MYO3B: variants seen among roughly 807,000 people sequenced by gnomAD.
The protein encoded by MYO3B is myosin IIIB, also known as myosin-IIIb.
Under a neutral mutation model 174.6 loss-of-function variants are expected in MYO3B, and 156 were observed. That is an observed-to-expected ratio of 0.89 (90% CI 0.78 to 1.02). MYO3B has a LOEUF of 1.02. Ranked by LOEUF, MYO3B falls within the 50% of genes least tolerant of loss-of-function variation. The pLI is 0.00. For missense variants in MYO3B, 1,632 were observed against 1,639.4 expected (o/e 1.00, Z 0.08); for synonymous variants, 563 against 569.1 (o/e 0.99, Z 0.15).
At chr2:170,647,325 G>A (rs192180394) in intron 32 of MYO3B, among the ~76,000 whole-genome samples, 406 of 152,070 alleles carry the variant, frequency 2.7e-3, no homozygotes, top group Non-Finnish European at 4.3e-3. Context: ...ATTTCTCTTC[G>A]TATTTTCCAC....
At chr2:170,619,885 T>C (rs905350293) in intron 32 of MYO3B, among the ~76,000 whole-genome samples, 1 of 151,602 alleles carries the variant, frequency 6.6e-6, no homozygotes, top group Non-Finnish European at 1.5e-5. Context: ...TAGCTGGGAT[T>C]ACAGGCATGC....
intron 32 of MYO3B, among the ~76,000 whole-genome samples, chr2:170,624,682 G>A (rs1433655805): frequency 1.3e-5 from 2 of 152,118 alleles, no homozygotes; most frequent in Admixed American, 1.3e-4. Context: ...TGCCCATTCA[G>A]TATGATATTG....
intron 22 of MYO3B, among the ~76,000 whole-genome samples, chr2:170,419,038 A>G (rs544335657): frequency 3.3e-5 from 5 of 152,328 alleles, no homozygotes; most frequent in African/African-American, 1.2e-4. Flanking sequence ...ATCAAGTGCT[A>G]CTGTCTCACT....
chr2:170,313,338 G>A (rs977871270), intron 7 of MYO3B, among the ~76,000 whole-genome samples: 6 of 152,174 alleles, frequency 3.9e-5, no homozygotes, highest in African/African-American at 1.4e-4. Context: ...GCCAAACATA[G>A]TGCTCAGTAA....
At chr2:170,256,832 A>G (rs1047412213) in intron 7 of MYO3B, among the ~76,000 whole-genome samples, 20 of 152,236 alleles carry the variant, frequency 1.3e-4, no homozygotes, top group African/African-American at 4.3e-4. Flanking sequence ...ATAAAACAAG[A>G]CCCAACTGTC....
chr2:170,493,289 G>A (rs1686608204), intron 25 of MYO3B, among the ~76,000 whole-genome samples: 1 of 152,096 alleles, frequency 6.6e-6, no homozygotes, highest in African/African-American at 2.4e-5. Context: ...AAGTTTATCA[G>A]TCTTTTCCTT....
intron 32 of MYO3B, among the ~76,000 whole-genome samples, chr2:170,575,378 T>C (rs570763939): frequency 6.6e-6 from 1 of 152,282 alleles, no homozygotes; most frequent in Non-Finnish European, 1.5e-5. Context: ...GAGTCAATAG[T>C]TCAGGCTTTT....
At chr2:170,215,772 A>C (rs976906928) in intron 5 of MYO3B, among the ~76,000 whole-genome samples, 1 of 152,198 alleles carries the variant, frequency 6.6e-6, no homozygotes, top group Non-Finnish European at 1.5e-5. Context: ...GGAATGATAT[A>C]ACTCCAATAA....
intron 7 of MYO3B, among the ~76,000 whole-genome samples, chr2:170,286,646 G>T (rs2093558332): frequency 6.6e-6 from 1 of 152,096 alleles, no homozygotes; most frequent in Non-Finnish European, 1.5e-5. Context: ...AATTTAGGAA[G>T]AATCAACTTT....
At chr2:170,495,193 A>G (rs764512350) in intron 25 of MYO3B, among the ~76,000 whole-genome samples, 24 of 152,164 alleles carry the variant, frequency 1.6e-4, no homozygotes, top group Non-Finnish European at 3.1e-4. Context: ...AAAGGGGTAA[A>G]ATGGATCTTT....
At chr2:170,487,259 C>A (rs966994558) in intron 25 of MYO3B, among the ~76,000 whole-genome samples, 7 of 152,210 alleles carry the variant, frequency 4.6e-5, no homozygotes, top group Non-Finnish European at 8.8e-5. Context: ...CCAAAATATA[C>A]CCCTAAAGTA....
At chr2:170,276,802 T>C (rs1224001701) in intron 7 of MYO3B, among the ~76,000 whole-genome samples, 4 of 152,176 alleles carry the variant, frequency 2.6e-5, no homozygotes, top group African/African-American at 7.2e-5. Context: ...AGAAAAAGAA[T>C]CAGGACCCTA....
At chr2:170,499,941 T>TCC in intron 27 of MYO3B, 133 bp downstream of exon 27, 3 of 676,170 alleles carry the variant, frequency 4.4e-6, no homozygotes, top group Non-Finnish European at 7.1e-6. Flanking sequence ...CTCCCTTCCT[T>TCC]CCTTCCTTCT....
At chr2:170,428,368 C>CT (rs1478774050) in intron 22 of MYO3B, among the ~76,000 whole-genome samples, 2 of 152,166 alleles carry the variant, frequency 1.3e-5, no homozygotes, top group Admixed American at 6.5e-5. Context: ...GTTTTATTGT[C>CT]TTTATTTTGT....
At chr2:170,410,184 T>C (rs2094536277) in intron 22 of MYO3B, among the ~76,000 whole-genome samples, 2 of 152,312 alleles carry the variant, frequency 1.3e-5, no homozygotes, top group South Asian at 4.1e-4. Flanking sequence ...CGAAATTAAA[T>C]GGAGCACTAG....
intron 7 of MYO3B, among the ~76,000 whole-genome samples, chr2:170,293,587 C>T (rs2093609995): frequency 1.3e-5 from 2 of 152,046 alleles, no homozygotes; most frequent in African/African-American, 4.8e-5. Flanking sequence ...CTGCAATTCC[C>T]CTTTTCAGTC....
chr2:170,527,005 A>T (rs1466370523), intron 30 of MYO3B, among the ~76,000 whole-genome samples: 4 of 152,190 alleles, frequency 2.6e-5, no homozygotes, highest in Non-Finnish European at 5.9e-5. Context: ...TTGTTTTCAT[A>T]TTCTGTATAT....
chr2:170,420,720 A>C (rs1234819779), intron 22 of MYO3B, among the ~76,000 whole-genome samples: 1 of 152,162 alleles, frequency 6.6e-6, no homozygotes, highest in Admixed American at 6.5e-5. Context: ...TGTCTGACTG[A>C]AAAGATCATA....
At chr2:170,494,772 A>G (rs1341961517) in intron 25 of MYO3B, among the ~76,000 whole-genome samples, 1 of 151,916 alleles carries the variant, frequency 6.6e-6, no homozygotes, top group Non-Finnish European at 1.5e-5. Flanking sequence ...AAGAAAAAAG[A>G]AAAAGAAGTT....
Sources: allele counts gnomAD v4.1 joint callset (sites outside exome capture counted in the v4.1 genomes callset), GRCh38; gene constraint gnomAD v4.1.1; transcripts MANE v1.5; gene names NCBI Gene and HGNC (gene_info 2026-07-23, HGNC 2026-07-21).